Variants in ELP3 observed in about 807,000 individuals in gnomAD.
ELP3 encodes the protein elongator acetyltransferase complex subunit 3.
A neutral mutation model predicts 74.9 loss-of-function variants in ELP3; 56 were observed. That is an observed-to-expected ratio of 0.75 (90% confidence interval 0.60 to 0.93). The LOEUF (loss-of-function observed/expected upper bound fraction) is 0.93, where lower values mean the gene tolerates loss of function less well. Among genes scored for constraint, ELP3 ranks in the 40% least tolerant of loss-of-function variants. ELP3 has a pLI of 0.00. For synonymous variants in ELP3, 222 were observed against 239.8 expected (o/e 0.93, Z 0.68); for missense variants, 573 against 686.5 (o/e 0.83, Z 1.85).
upstream of ELP3, among the ~76,000 whole-genome samples, chr8:28,090,867 G>A (rs1321265240): frequency 6.6e-6 from 1 of 151,428 alleles, no homozygotes; most frequent in African/African-American, 2.4e-5. Flanking sequence ...AAGCCTCCAG[G>A]TAGCAGGCTT....
At chr8:28,146,653 C>A (rs1406837941) in intron 10 of ELP3, among the ~76,000 whole-genome samples, 1 of 152,176 alleles carries the variant, frequency 6.6e-6, no homozygotes, top group Non-Finnish European at 1.5e-5. Context: ...TGTAACAATG[C>A]CTGCTTATAT....
chr8:28,176,494 G>A (rs1814760385), intron 14 of ELP3, among the ~76,000 whole-genome samples: 1 of 152,162 alleles, frequency 6.6e-6, no homozygotes, highest in South Asian at 2.1e-4. Context: ...AAGGAATGGG[G>A]GATGGTTGGT....
chr8:28,152,136 T>G (rs889562213), intron 10 of ELP3, among the ~76,000 whole-genome samples: 1 of 152,194 alleles, frequency 6.6e-6, no homozygotes, highest in Non-Finnish European at 1.5e-5. Flanking sequence ...TCTCTGTCTC[T>G]CCAGCCCCGG....
chr8:28,145,083 T>G (rs1413928057), intron 10 of ELP3, among the ~76,000 whole-genome samples: 1 of 152,074 alleles, frequency 6.6e-6, no homozygotes, highest in Non-Finnish European at 1.5e-5. Flanking sequence ...AAAAGCTAGA[T>G]AGTAAAATTT....
Position 28,158,616 on chromosome 8 carries a change from A to G in ELP3, c.1240A>G (p.Lys414Glu). 1.2e-6 allele frequency: 2 copies of G among 1,613,160 alleles called. No homozygotes were observed. The highest frequency in any genetic ancestry group is 3.3e-5 in the Admixed American group (2 of 59,872). ...AGTTGGAATCCAAGAAATTCATCACAAAGTACGGCCATACCAGGTTAGTCT... is the reference window on the plus strand; with the variant it reads ...AGTTGGAATCCAAGAAATTCATCACGAAGTACGGCCATACCAGGTTAGTCT... ...REVGIQEIHH[K>E]VRPYQVELVR... is the part of the protein sequence containing the mutation. The change falls in exon 12 of 15, where the codon AAA (lysine) becomes GAA (glutamate). Residue 414 changes from lysine (K) to glutamate (E), a missense_variant. Physicochemically the swap from Lys to Glu is moderately conservative, Grantham distance 56. Coordinates refer to ENST00000256398, the MANE Select transcript of ELP3 (RefSeq NM_018091.6).
rs761161057 is a variant in ELP3, at chr8:28,107,929, C to T, written c.346C>T (p.Pro116Ser). 6.2e-7 allele frequency: 1 copy of T among 1,613,942 alleles called. No homozygotes were observed. Among genetic ancestry groups the T allele is most frequent in the Non-Finnish European group, 8.5e-7 (1 of 1,179,964 alleles). Residue 116 changes from proline to serine, a missense_variant, in exon 5 of 15, where the codon CCT (proline) becomes TCT (serine). Transcript: ENST00000256398. ...TACTGGCAGATACTGCCCTGGTGGA[C>T]CTGATTCTGATTTTGAGTATTCCAC... ...GNICVYCPGG[P>S]DSDFEYSTQS...
At chr8:28,178,467 T>G (rs1274824068) in intron 14 of ELP3, among the ~76,000 whole-genome samples, 1 of 152,236 alleles carries the variant, frequency 6.6e-6, no homozygotes, top group African/African-American at 2.4e-5. Context: ...TGGTTACTTT[T>G]GCTCAACATT....
intron 8 of ELP3, among the ~76,000 whole-genome samples, chr8:28,130,143 T>C (rs1488747063): frequency 1.3e-5 from 2 of 152,214 alleles, no homozygotes; most frequent in Non-Finnish European, 2.9e-5. Flanking sequence ...TAAGAGTTGT[T>C]AGAGCTTTAT....
At chr8:28,113,240 A>G (rs1369050287) in intron 7 of ELP3, 67 bp downstream of exon 7, 34 of 1,314,804 alleles carry the variant, frequency 2.6e-5, no homozygotes, top group Admixed American at 4.6e-5. Context: ...GCAGTAGTCT[A>G]CGAGAATGCC....
At chr8:28,146,768 C>G (rs1813449315) in intron 10 of ELP3, among the ~76,000 whole-genome samples, 1 of 152,192 alleles carries the variant, frequency 6.6e-6, no homozygotes, top group Non-Finnish European at 1.5e-5. Context: ...CTGAAACTGG[C>G]AATTACCACA....
At chr8:28,097,391 C>T (rs1811293820) in intron 2 of ELP3, 73 bp downstream of exon 2, 1 of 938,640 alleles carries the variant, frequency 1.1e-6, no homozygotes, top group Non-Finnish European at 1.6e-6. Flanking sequence ...TCTAGTACTA[C>T]TTGTTTTCCA....
intron 10 of ELP3, among the ~76,000 whole-genome samples, chr8:28,142,431 G>A (rs992784030): frequency 2.0e-5 from 3 of 152,208 alleles, no homozygotes; most frequent in African/African-American, 7.2e-5. Flanking sequence ...GAGCTTGTGA[G>A]TGAGGAGTGG....
intron 10 of ELP3, among the ~76,000 whole-genome samples, chr8:28,143,967 T>C (rs187153570): frequency 2.6e-5 from 4 of 152,308 alleles, no homozygotes; most frequent in Non-Finnish European, 2.9e-5. Flanking sequence ...ACAACCTCTA[T>C]AGAATTGGGT....
At chr8:28,111,653 T>C (rs893725411) in intron 6 of ELP3, among the ~76,000 whole-genome samples, 1 of 152,246 alleles carries the variant, frequency 6.6e-6, no homozygotes, top group Non-Finnish European at 1.5e-5. Flanking sequence ...TTTGCTTCAA[T>C]TTCTTTTTGG....
chr8:28,096,359 G>A (rs13261052), intron 1 of ELP3, among the ~76,000 whole-genome samples: 48,206 of 152,198 alleles, frequency 0.32, 7,717 homozygotes, highest in Admixed American at 0.35. Flanking sequence ...CCCCTGGTCT[G>A]TGGAAAAATC....
chr8:28,163,720 C>G (rs1054886561), intron 14 of ELP3, among the ~76,000 whole-genome samples: 3 of 152,206 alleles, frequency 2.0e-5, no homozygotes, highest in Non-Finnish European at 4.4e-5. Flanking sequence ...CTTAGAAGCC[C>G]TCTGCACATG....
Position 28,148,564 on chromosome 8 carries a change from C to T in ELP3, c.1101-7378C>T, listed in dbSNP as rs146936320. Among the ~76,000 whole-genome samples, 373 of 152,278 alleles carry T rather than the reference C, an allele frequency of 2.4e-3. 1 individual carries two copies. Among genetic ancestry groups the T allele is most frequent in the African/African-American group, 8.5e-3 (354 of 41,560 alleles). On this transcript the variant is annotated intron_variant, in intron 10 of 14. Transcript: ENST00000256398. ...TGGATACCATTAAGTATGGTGTTAG[C>T]GATAGGCATTTTTAGATACTCTTTA...
intron 7 of ELP3, among the ~76,000 whole-genome samples, chr8:28,124,610 G>C (rs1445115539): frequency 6.6e-6 from 1 of 152,054 alleles, no homozygotes; most frequent in African/African-American, 2.4e-5. Flanking sequence ...TGCAATATCT[G>C]TGATTCTTTT....
At chr8:28,140,130 G>T (rs977890449) in intron 10 of ELP3, among the ~76,000 whole-genome samples, 2 of 151,232 alleles carry the variant, frequency 1.3e-5, no homozygotes, top group Non-Finnish European at 3.0e-5. Context: ...GTGTGTGTGT[G>T]TGTGTGTGTG....
Sources: gnomAD v4.1 joint callset for allele counts (sites outside exome capture counted in the v4.1 genomes callset) on GRCh38, gnomAD v4.1.1 for gene constraint, MANE v1.5 for transcripts, NCBI Gene and HGNC (gene_info 2026-07-23, HGNC 2026-07-21) for gene names.